Variants in SCAPER observed in about 807,000 individuals in gnomAD.
SCAPER encodes S phase cyclin A-associated protein in the endoplasmic reticulum.
A neutral mutation model predicts 182.2 loss-of-function variants in SCAPER; 98 were observed. The ratio of observed to expected loss-of-function variants is 0.54; its 90% confidence interval spans 0.46 to 0.64. The LOEUF (loss-of-function observed/expected upper bound fraction) is 0.64, where lower values mean the gene tolerates loss of function less well. Among genes scored for constraint, SCAPER ranks in the 30% least tolerant of loss-of-function variants. The pLI is 0.00. For missense variants in SCAPER, 1,432 were observed against 1,690.0 expected (o/e 0.85, Z 2.68); for synonymous variants, 605 against 564.6 (o/e 1.07, Z -1.01).
At chr15:76,358,442 C>CA (rs1322622752) in intron 29 of SCAPER, among the ~76,000 whole-genome samples, 1 of 152,218 alleles carries the variant, frequency 6.6e-6, no homozygotes, top group Non-Finnish European at 1.5e-5. Flanking sequence ...GCCACTTAAA[C>CA]AACAGAAACT....
At chr15:76,664,375 G>T (rs1389574104) in intron 21 of SCAPER, among the ~76,000 whole-genome samples, 1 of 152,294 alleles carries the variant, frequency 6.6e-6, no homozygotes, top group African/African-American at 2.4e-5. Context: ...GATTGGATGT[G>T]AGGTGTAGGA....
At chr15:76,432,506 C>T (rs2046935159) in intron 26 of SCAPER, among the ~76,000 whole-genome samples, 1 of 152,220 alleles carries the variant, frequency 6.6e-6, no homozygotes, top group Non-Finnish European at 1.5e-5. Context: ...TCTTGTTCTC[C>T]TGTTAACCAA....
intron 14 of SCAPER, among the ~76,000 whole-genome samples, chr15:76,755,264 A>G (rs113830489): frequency 4.6e-5 from 7 of 152,298 alleles, no homozygotes; most frequent in Non-Finnish European, 8.8e-5. Context: ...TTCATATCAA[A>G]TCTATTCATC....
chr15:76,486,513 T>C (rs1018535544), intron 24 of SCAPER, among the ~76,000 whole-genome samples: 2 of 149,696 alleles, frequency 1.3e-5, no homozygotes, highest in African/African-American at 4.9e-5. Flanking sequence ...CAATTTATAA[T>C]AAAAAAAAAA....
At position 76,405,005 on chromosome 15, in the gene SCAPER, G is replaced by C. The variant is rs2044723525; in HGVS notation, c.3312-326C>G. ...TGAAATGATTTATAATGACCTTTAT[G>C]CTCTTAAAAACTGTTCCTTTTTAAA... On this transcript the variant is annotated intron_variant, in intron 26 of 31. Coordinates refer to ENST00000563290, the MANE Select transcript of SCAPER (RefSeq NM_020843.4). Among the ~76,000 whole-genome samples the C allele has an allele frequency of 2.0e-5, 3 of 151,720 alleles. 1 individual carries two copies. In the East Asian group the frequency reaches 5.8e-4, roughly 29 times the overall value.
At chr15:76,505,639 C>T (rs535076411) in intron 23 of SCAPER, among the ~76,000 whole-genome samples, 3 of 152,122 alleles carry the variant, frequency 2.0e-5, no homozygotes, top group African/African-American at 2.4e-5. Context: ...ATACACTGTT[C>T]GTGGGAATGT....
chr15:76,521,256 GTA>G lies in SCAPER; in HGVS notation c.2839-16284_2839-16283del, dbSNP rs146189640. Among the ~76,000 whole-genome samples, 1,228 of 152,050 alleles carry G rather than the reference GTA, an allele frequency of 8.1e-3. 13 individuals are homozygous for G. The highest frequency in any genetic ancestry group is 0.028 in the African/African-American group (1,165 of 41,456). ...TCTGTATACTTACTAGCTTTTTATG[GTA>G]TATTTTATAACTCACTGTCTTGGAT... is the stretch of plus-strand genomic sequence containing the variant. On this transcript the variant is annotated intron_variant, in intron 23 of 31. Transcript: ENST00000563290.
intron 4 of SCAPER, among the ~76,000 whole-genome samples, chr15:76,843,384 T>A (rs1354104713): frequency 6.6e-6 from 1 of 152,204 alleles, no homozygotes; most frequent in African/African-American, 2.4e-5. Flanking sequence ...ATATTACTAT[T>A]CCTATTTTGT....
At chr15:76,865,974 G>C (rs1437397592) in intron 2 of SCAPER, among the ~76,000 whole-genome samples, 1 of 152,112 alleles carries the variant, frequency 6.6e-6, no homozygotes, top group East Asian at 1.9e-4. Flanking sequence ...ATTTGCAAAA[G>C]TCACTTCTCT....
chr15:76,862,681 G>A (rs1568364150), intron 2 of SCAPER, 148 bp from the exon 3 acceptor site: 3 of 483,628 alleles, frequency 6.2e-6, no homozygotes, highest in East Asian at 6.8e-5. Flanking sequence ...AGAAAAGGAA[G>A]TCACAAGTCT....
intron 7 of SCAPER, chr15:76,797,663 T>C (rs145143808): frequency 1.5e-4 from 23 of 152,352 alleles, no homozygotes; most frequent in African/African-American, 5.5e-4. Context: ...AAGAGATTTA[T>C]TGGCTCAAGG....
intron 5 of SCAPER, among the ~76,000 whole-genome samples, chr15:76,813,384 T>C (rs1419799301): frequency 1.3e-5 from 2 of 151,810 alleles, no homozygotes; most frequent in Non-Finnish European, 2.9e-5. Context: ...ATCTAAGATC[T>C]AGTACCAGGC....
chr15:76,393,377 G>A (rs1336663395), intron 27 of SCAPER, among the ~76,000 whole-genome samples: 4 of 152,178 alleles, frequency 2.6e-5, no homozygotes, highest in Non-Finnish European at 5.9e-5. Flanking sequence ...GCCTAGTCCT[G>A]TTACATTCAC....
intron 21 of SCAPER, among the ~76,000 whole-genome samples, chr15:76,637,738 ATATATGTGTGTGTGTGTGTG>A (rs1206380509): frequency 2.1e-4 from 6 of 28,724 alleles, no homozygotes; most frequent in Admixed American, 6.5e-4. Context: ...ATATATATAT[ATATATGTGTGTGTGTGTGTG>A]TGTGTGTGTG....
At chr15:76,692,108 T>C (rs1227397101) in intron 20 of SCAPER, among the ~76,000 whole-genome samples, 2 of 152,144 alleles carry the variant, frequency 1.3e-5, no homozygotes, top group East Asian at 1.9e-4. Context: ...GTTAATAACA[T>C]AGCCTCAAAA....
intron 6 of SCAPER, among the ~76,000 whole-genome samples, chr15:76,804,037 G>T (rs1264690748): frequency 6.6e-6 from 1 of 152,092 alleles, no homozygotes; most frequent in Non-Finnish European, 1.5e-5. Flanking sequence ...ACATTAAGAA[G>T]AAATACTGTA....
At chr15:76,671,718 C>G (rs528040331) in intron 20 of SCAPER, among the ~76,000 whole-genome samples, 13 of 151,358 alleles carry the variant, frequency 8.6e-5, no homozygotes, top group African/African-American at 2.9e-4. Flanking sequence ...TGCAGTGAGT[C>G]GAGATCGCAC....
intron 15 of SCAPER, among the ~76,000 whole-genome samples, chr15:76,752,433 T>C (rs1223863364): frequency 6.6e-6 from 1 of 151,814 alleles, no homozygotes; most frequent in African/African-American, 2.4e-5. Context: ...TGTACACCCA[T>C]ATTTACAACA....
At chr15:76,797,564 GAAA>G (rs1381364354) in intron 7 of SCAPER, 9 of 152,186 alleles carry the variant, frequency 5.9e-5, no homozygotes, top group African/African-American at 2.2e-4. Context: ...GAGGCTCTAA[GAAA>G]GGAGGAACTG....
Sources: allele counts gnomAD v4.1 joint callset (sites outside exome capture counted in the v4.1 genomes callset), GRCh38; gene constraint gnomAD v4.1.1; transcripts MANE v1.5; gene names NCBI Gene and HGNC (gene_info 2026-07-23, HGNC 2026-07-21).